FAM162A: variants seen among roughly 807,000 people sequenced by gnomAD.
The protein encoded by FAM162A is protein FAM162A.
A neutral mutation model predicts 21.8 loss-of-function variants in FAM162A; 23 were observed. The ratio of observed to expected loss-of-function variants is 1.05; its 90% CI spans 0.76 to 1.49. FAM162A has a LOEUF of 1.49. Ranked by LOEUF, FAM162A falls within the 40% of genes most tolerant of loss-of-function variation. The pLI, the probability that FAM162A is intolerant of heterozygous loss-of-function variation, is 0.00. For synonymous variants in FAM162A, 53 were observed against 61.3 expected (o/e 0.86, Z 0.64); for missense variants, 165 against 186.4 (o/e 0.89, Z 0.67).
In FAM162A at chr3:122,404,363, C is replaced by A; in HGVS notation, c.263C>A (p.Ser88Ter). The change falls in exon 3 of 5, where the codon TCG becomes TAG. Residue 88 changes from serine (S) to a stop codon, truncating the protein, a stop_gained and splice_region_variant. Coordinates refer to ENST00000477892, the MANE Select transcript of FAM162A (RefSeq NM_014367.4). LOFTEE classifies it high-confidence loss of function. ...KKEDEIPETV[S>*]LEMLDAAKNK... ...GAAGATGAAATCCCAGAGACTGTCT[C>A]GTGAGTGCTGAATTTAGTATTACAA... 3 of 1,535,294 alleles carry A rather than the reference C, an allele frequency of 2.0e-6. No individual in the cohort carries two copies. The highest frequency in any genetic ancestry group is 1.2e-5 in the South Asian group (1 of 86,174).
At chr3:122,396,229 G>A (rs541346865) in intron 1 of FAM162A, among the ~76,000 whole-genome samples, 8 of 152,132 alleles carry the variant, frequency 5.3e-5, no homozygotes, top group East Asian at 1.9e-4. Context: ...ATAGTGAAAA[G>A]ATACCCATGG....
chr3:122,393,986 G>T (rs989752854), intron 1 of FAM162A, among the ~76,000 whole-genome samples: 1 of 152,144 alleles, frequency 6.6e-6, no homozygotes, highest in African/African-American at 2.4e-5. Flanking sequence ...TCGTTCTTCA[G>T]GCTGTACAGG....
In FAM162A at chr3:122,407,332, T is replaced by C. The variant is rs201690415; in HGVS notation, c.315T>C (p.Tyr105=). The C allele has an allele frequency of 6.2e-6, 10 of 1,614,120 alleles. No homozygotes were observed. Among genetic ancestry groups the C allele is most frequent in the Admixed American group, 1.7e-5 (1 of 60,020 alleles). ...ACAAGATGCGAGTGAAGATCAGCTA[T>C]CTAATGATTGCCCTGACGGTGGTAG... The part of the protein sequence containing the change: ...AKNKMRVKIS[Y]LMIALTVVGC... The change falls in exon 4 of 5, where the codon TAT becomes TAC. Residue 105 remains tyrosine (Y), a synonymous_variant. Transcript: ENST00000477892.
intron 1 of FAM162A, among the ~76,000 whole-genome samples, chr3:122,402,224 A>G (rs1178337328): frequency 6.6e-6 from 1 of 151,118 alleles, no homozygotes; most frequent in Non-Finnish European, 1.5e-5. Context: ...AAAATAAACT[A>G]TATATATTAT....
chr3:122,409,613 C>T, intron 4 of FAM162A, 126 bp from the exon 5 acceptor site: 2 of 752,324 alleles, frequency 2.7e-6, no homozygotes, highest in Non-Finnish European at 4.6e-6. Context: ...CTGCCGTGCT[C>T]AGTGTGCAAG....
intron 1 of FAM162A, among the ~76,000 whole-genome samples, chr3:122,389,185 C>A (rs972045993): frequency 2.0e-5 from 3 of 152,028 alleles, no homozygotes; most frequent in African/African-American, 7.2e-5. Flanking sequence ...TAGATACATG[C>A]CATTTATTCA....
chr3:122,389,381 GGATAGATAGATAGATAGATA>G (rs61431402), intron 1 of FAM162A, among the ~76,000 whole-genome samples: 112 of 145,346 alleles, frequency 7.7e-4, no homozygotes, highest in Admixed American at 1.4e-3. Context: ...TAGTATAGAT[GGATAGATAGATAGATAGATA>G]GATAGATAGA....
intron 3 of FAM162A, among the ~76,000 whole-genome samples, chr3:122,406,421 A>G: frequency 6.6e-6 from 1 of 152,222 alleles, no homozygotes; most frequent in Non-Finnish European, 1.5e-5. Context: ...AAATAGAACC[A>G]TGACTCACTG....
At position 122,411,082 on chromosome 3, in the gene FAM162A, T is replaced by TGG. The variant is rs1250929863; in HGVS notation, c.*1256_*1257dup. ...ACTATCCACAGTTTCAGGCATCTAC[T>TGG]GGGGGGTCTTGGAATATATCCCCAG... On this transcript the variant is annotated 3_prime_UTR_variant, in exon 5 of 5. Transcript: ENST00000477892. 6.6e-6 allele frequency: 1 copy of TGG among 152,278 alleles called. No individual in the cohort carries two copies. The highest frequency in any genetic ancestry group is 1.5e-5 in the Non-Finnish European group (1 of 68,092). 9.4% of individuals were successfully genotyped at this position (152,278 alleles called of 1,614,324 possible).
chr3:122,409,697 G>T, intron 4 of FAM162A, 42 bp from the exon 5 acceptor site: 1 of 1,575,768 alleles, frequency 6.3e-7, no homozygotes, highest in South Asian at 1.1e-5. Context: ...ACCCTCCCCT[G>T]ACCAGCATAC....
chr3:122,405,674 T>G (rs1190612555), intron 3 of FAM162A, among the ~76,000 whole-genome samples: 1 of 152,086 alleles, frequency 6.6e-6, no homozygotes, highest in Non-Finnish European at 1.5e-5. Context: ...AAATACTACC[T>G]CACGAATCAC....
chr3:122,403,401 TA>T (rs1301374297), intron 2 of FAM162A, among the ~76,000 whole-genome samples: 1 of 152,210 alleles, frequency 6.6e-6, no homozygotes, highest in African/African-American at 2.4e-5. Flanking sequence ...TGCACCAAAG[TA>T]AATAGTAGTC....
chr3:122,384,729 C>T (rs2075566184), intron 1 of FAM162A, among the ~76,000 whole-genome samples: 6 of 152,174 alleles, frequency 3.9e-5, no homozygotes, highest in Admixed American at 3.9e-4. Flanking sequence ...GAGTTTATCC[C>T]AGAAAACCTC....
intron 1 of FAM162A, among the ~76,000 whole-genome samples, chr3:122,388,308 GA>G (rs1408395348): frequency 6.6e-6 from 1 of 152,180 alleles, no homozygotes; most frequent in African/African-American, 2.4e-5. Context: ...AAGAAAGTTG[GA>G]AAAATAATCA....
intron 1 of FAM162A, among the ~76,000 whole-genome samples, chr3:122,402,213 T>A (rs1266901125): frequency 6.6e-6 from 1 of 151,308 alleles, no homozygotes; most frequent in Non-Finnish European, 1.5e-5. Context: ...TTTAAATTTT[T>A]AAAATAAACT....
rs564917886 is a variant in FAM162A at position 122,411,607 on chromosome 3, T to A, written c.*1776T>A. ...TCTTGCACTGTCGCCCAGGCTAGAG[T>A]GCAGGGCATGATCTCAGCTCACTGC... On this transcript the variant is annotated 3_prime_UTR_variant, in exon 5 of 5. Transcript: ENST00000477892. The A allele has an allele frequency of 6.6e-6, 1 of 151,048 alleles. No homozygotes were observed. The highest frequency in any genetic ancestry group is 2.1e-4 in the South Asian group (1 of 4,788). The allele number at this position is 151,048 out of a possible 1,614,324, so 9.4% of individuals were successfully genotyped here.
At chr3:122,403,330 A>T (rs2075661302) in intron 2 of FAM162A, among the ~76,000 whole-genome samples, 1 of 152,168 alleles carries the variant, frequency 6.6e-6, no homozygotes, top group Non-Finnish European at 1.5e-5. Context: ...CATTTTCAGC[A>T]TTTGTCATTT....
intron 3 of FAM162A, among the ~76,000 whole-genome samples, chr3:122,405,999 C>T (rs1175565571): frequency 6.6e-6 from 1 of 152,208 alleles, no homozygotes; most frequent in Non-Finnish European, 1.5e-5. Context: ...CCAGCTCCTA[C>T]ATCACATTGT....
chr3:122,392,490 T>C (rs1288941456), intron 1 of FAM162A, among the ~76,000 whole-genome samples: 1 of 152,198 alleles, frequency 6.6e-6, no homozygotes, highest in Non-Finnish European at 1.5e-5. Flanking sequence ...AAATTTTATG[T>C]TATGTATATT....
Sources: gnomAD v4.1 joint callset for allele counts (sites outside exome capture counted in the v4.1 genomes callset) on GRCh38, gnomAD v4.1.1 for gene constraint, MANE v1.5 for transcripts, NCBI Gene and HGNC (gene_info 2026-07-23, HGNC 2026-07-21) for gene names.